TRIM5: variants seen among roughly 807,000 people sequenced by gnomAD.
The protein encoded by TRIM5 is tripartite motif-containing protein 5.
A neutral mutation model predicts 35.6 loss-of-function variants in TRIM5; 31 were observed. The ratio of observed to expected loss-of-function variants is 0.87; its 90% confidence interval spans 0.65 to 1.18. TRIM5 has a LOEUF of 1.18. Among genes scored for constraint, TRIM5 ranks in the 50% most tolerant of loss-of-function variants. The probability of loss-of-function intolerance (pLI) is 0.00; values close to 1 mark genes in which losing one functional copy is unlikely to be tolerated. For synonymous variants in TRIM5, 243 were observed against 215.6 expected (o/e 1.13, Z -1.11); for missense variants, 609 against 591.6 (o/e 1.03, Z -0.31).
At chr11:5,617,486 C>CTT in the TRIM5 span, among the ~76,000 whole-genome samples, 3 of 107,474 alleles carry the variant, frequency 2.8e-5, no homozygotes, top group African/African-American at 6.4e-5. Context: ...TGGACTCAAT[C>CTT]TTTTTTTTTT....
At chr11:5,651,114 T>C in the TRIM5 span, among the ~76,000 whole-genome samples, 2 of 152,116 alleles carry the variant, frequency 1.3e-5, no homozygotes, top group African/African-American at 4.8e-5. Context: ...CCAAAGAGGG[T>C]CACTAGGTCC....
At chr11:5,605,574 C>G in the TRIM5 span, 1 of 1,609,724 alleles carries the variant, frequency 6.2e-7, no homozygotes, top group South Asian at 1.1e-5. Flanking sequence ...GCAGGTAAGG[C>G]TTGTGAAGGA....
chr11:5,595,541 C>T, the TRIM5 span, among the ~76,000 whole-genome samples: 16 of 152,180 alleles, frequency 1.1e-4, no homozygotes, highest in East Asian at 1.9e-4. Context: ...TTAATTAATA[C>T]GTCTATATGG....
chr11:5,650,674 G>A, the TRIM5 span, among the ~76,000 whole-genome samples: 2 of 152,126 alleles, frequency 1.3e-5, no homozygotes, highest in African/African-American at 2.4e-5. Flanking sequence ...TAACACTTCC[G>A]TTTTTTGTTG....
the TRIM5 span, among the ~76,000 whole-genome samples, chr11:5,617,338 T>A: frequency 3.2e-4 from 46 of 144,598 alleles, 9 homozygotes; most frequent in East Asian, 9.7e-3. Context: ...ACCCTCACAT[T>A]TTTGAACTGA....
chr11:5,591,563 G>A, the TRIM5 span, among the ~76,000 whole-genome samples: 3,918 of 152,136 alleles, frequency 0.026, 178 homozygotes, highest in African/African-American at 0.09. Context: ...CAGGAGAATC[G>A]CTTGAACCTG....
At chr11:5,672,466 C>T (rs1398242981) in intron 4 of TRIM5, among the ~76,000 whole-genome samples, 1 of 152,106 alleles carries the variant, frequency 6.6e-6, no homozygotes, top group Non-Finnish European at 1.5e-5. Flanking sequence ...CTGCCCCAGC[C>T]TCCCAAATTG....
the TRIM5 span, among the ~76,000 whole-genome samples, chr11:5,645,226 T>C: frequency 6.6e-6 from 1 of 151,938 alleles, no homozygotes; most frequent in African/African-American, 2.4e-5. Flanking sequence ...ACCCTGTCTC[T>C]ACTAAAAATA....
chr11:5,648,347 A>G, the TRIM5 span, among the ~76,000 whole-genome samples: 10 of 152,066 alleles, frequency 6.6e-5, no homozygotes, highest in South Asian at 2.1e-3. Context: ...TCTACTAAAA[A>G]TACAAAAAAT....
chr11:5,682,225 G>A (rs1000295261), intron 1 of TRIM5, among the ~76,000 whole-genome samples: 3 of 152,194 alleles, frequency 2.0e-5, no homozygotes, highest in Non-Finnish European at 4.4e-5. Context: ...CCAACATGGT[G>A]AAATTCTGTC....
chr11:5,665,297 G>C lies in TRIM5; in HGVS notation c.994C>G (p.Arg332Gly). The change falls in exon 8 of 8, where the codon CGA (arginine) becomes GGA (glycine). Residue 332 changes from arginine (R) to glycine (G), a missense_variant. Arg to Gly is a moderately radical substitution (Grantham distance 125). Transcript: ENST00000380034. ...SPKPQIIYGA[R>G]GTRYQTFVNF... ...ACAAATGTCTGGTATCTTGTCCCTC[G>C]TGCCCCATATATTATCTGTGGTTTC... The C allele has an allele frequency of 1.2e-6, 2 of 1,614,048 alleles. No individual in the cohort carries two copies. Among genetic ancestry groups the C allele is most frequent in the Non-Finnish European group, 1.7e-6 (2 of 1,180,024 alleles).
At chr11:5,597,555 TC>T in the TRIM5 span, among the ~76,000 whole-genome samples, 3 of 152,132 alleles carry the variant, frequency 2.0e-5, no homozygotes, top group African/African-American at 7.2e-5. Flanking sequence ...AAAATGTTAT[TC>T]CTAAAGTGCA....
chr11:5,661,573 T>G (rs755281905), downstream of TRIM5, among the ~76,000 whole-genome samples: 12 of 152,130 alleles, frequency 7.9e-5, no homozygotes, highest in Non-Finnish European at 1.6e-4. Flanking sequence ...TATGCCTAAT[T>G]AATGGCCCAG....
At chr11:5,658,519 G>A (rs1287406217), downstream of TRIM5, among the ~76,000 whole-genome samples, 1 of 152,184 alleles carries the variant, frequency 6.6e-6, no homozygotes, top group Non-Finnish European at 1.5e-5. Flanking sequence ...ATAAACACAA[G>A]CCACCTGCAG....
the TRIM5 span, among the ~76,000 whole-genome samples, chr11:5,637,866 T>C: frequency 6.6e-6 from 1 of 152,246 alleles, no homozygotes; most frequent in Non-Finnish European, 1.5e-5. Context: ...AGGTTTCTTA[T>C]AAGGGTCTGT....
At chr11:5,644,125 C>G in the TRIM5 span, 1 of 401,276 alleles carries the variant, frequency 2.5e-6, no homozygotes, top group Non-Finnish European at 4.4e-6. Context: ...TCAGGATACC[C>G]CAGGTACATC....
At chr11:5,636,661 A>G in the TRIM5 span, among the ~76,000 whole-genome samples, 1 of 152,202 alleles carries the variant, frequency 6.6e-6, no homozygotes, top group Admixed American at 6.5e-5. Flanking sequence ...CATTTGTCCT[A>G]TTTCAGTCAG....
chr11:5,645,270 T>C, the TRIM5 span, among the ~76,000 whole-genome samples: 1 of 151,838 alleles, frequency 6.6e-6, no homozygotes. Flanking sequence ...CGAGCCCCTG[T>C]AATCCCACCT....
chr11:5,624,061 A>G, the TRIM5 span, among the ~76,000 whole-genome samples: 2 of 152,190 alleles, frequency 1.3e-5, no homozygotes, highest in East Asian at 3.9e-4. Flanking sequence ...CCTGTGACCA[A>G]ACGAGTGGCA....
Sources: allele counts gnomAD v4.1 joint callset (sites outside exome capture counted in the v4.1 genomes callset), GRCh38; gene constraint gnomAD v4.1.1; transcripts MANE v1.5; gene names NCBI Gene and HGNC (gene_info 2026-07-23, HGNC 2026-07-21).